RALYL: variants seen among roughly 807,000 people sequenced by gnomAD.
RALYL encodes the protein RNA-binding Raly-like protein.
A neutral mutation model predicts 35.1 loss-of-function variants in RALYL; 29 were observed. That is an observed-to-expected ratio of 0.83 (90% CI 0.61 to 1.13). The LOEUF (loss-of-function observed/expected upper bound fraction) is 1.13, where lower values mean the gene tolerates loss of function less well. Ranked by LOEUF, RALYL falls within the 50% of genes most tolerant of loss-of-function variation. RALYL has a pLI of 0.00. For synonymous variants in RALYL, 120 were observed against 127.6 expected, an observed-to-expected ratio of 0.94 and a Z score of 0.40; for missense variants, 359 against 360.4, an observed-to-expected ratio of 1.00 and a Z score of 0.03.
intron 4 of RALYL, among the ~76,000 whole-genome samples, chr8:84,832,819 T>C (rs1361500907): frequency 1.3e-5 from 2 of 152,228 alleles, no homozygotes; most frequent in African/African-American, 4.8e-5. Flanking sequence ...CTGTGTGTTA[T>C]ATTACAACAT....
At chr8:84,206,836 A>T (rs981778972) in intron 1 of RALYL, among the ~76,000 whole-genome samples, 1 of 152,218 alleles carries the variant, frequency 6.6e-6, no homozygotes, top group Non-Finnish European at 1.5e-5. Flanking sequence ...AAACTGAGGC[A>T]GAGATTATCA....
intron 4 of RALYL, among the ~76,000 whole-genome samples, chr8:84,837,196 C>G (rs1437621104): frequency 1.3e-5 from 2 of 152,128 alleles, no homozygotes; most frequent in Non-Finnish European, 2.9e-5. Context: ...GTGTATTTGT[C>G]TAATCTCTTA....
chr8:84,184,677 C>A (rs1320048079), intron 1 of RALYL, among the ~76,000 whole-genome samples: 2 of 152,016 alleles, frequency 1.3e-5, no homozygotes, highest in African/African-American at 2.4e-5. Context: ...CGGTGAGCTG[C>A]GCCCAGGTCG....
At chr8:84,378,215 T>C (rs2131562803) in intron 1 of RALYL, among the ~76,000 whole-genome samples, 1 of 152,082 alleles carries the variant, frequency 6.6e-6, no homozygotes, top group African/African-American at 2.4e-5. Context: ...TAACACATTT[T>C]AATGTGTGCC....
intron 4 of RALYL, among the ~76,000 whole-genome samples, chr8:84,816,832 G>C (rs1311926362): frequency 6.6e-6 from 1 of 151,948 alleles, no homozygotes. Flanking sequence ...TCCCTGATGT[G>C]ATTATTACAC....
intron 2 of RALYL, among the ~76,000 whole-genome samples, chr8:84,532,492 G>T (rs1260362495): frequency 6.6e-6 from 1 of 151,860 alleles, no homozygotes; most frequent in African/African-American, 2.4e-5. Context: ...ACAAACCCCG[G>T]CCAGTTCTTA....
At chr8:84,435,331 A>G (rs2047585857) in intron 1 of RALYL, among the ~76,000 whole-genome samples, 1 of 152,128 alleles carries the variant, frequency 6.6e-6, no homozygotes, top group Non-Finnish European at 1.5e-5. Flanking sequence ...GACATAACAT[A>G]ACATTATCCC....
At chr8:84,769,163 C>T (rs879940946) in intron 2 of RALYL, among the ~76,000 whole-genome samples, 1 of 152,164 alleles carries the variant, frequency 6.6e-6, no homozygotes, top group Non-Finnish European at 1.5e-5. Flanking sequence ...GCTTAAAAAA[C>T]TTGTAGAAAT....
chr8:84,705,585 C>A (rs182189735), intron 2 of RALYL, among the ~76,000 whole-genome samples: 61 of 152,170 alleles, frequency 4.0e-4, no homozygotes, highest in African/African-American at 1.4e-3. Context: ...AAATAATATA[C>A]AAATTTCAGT....
rs566896918 is a variant in RALYL at position 84,839,747 on chromosome 8, C to A, written c.366-10233C>A. Among the ~76,000 whole-genome samples the A allele has an allele frequency of 2.6e-5, 4 of 152,322 alleles. No individual in the cohort carries two copies. The South Asian group carries it at 8.3e-4, about 32-fold the overall frequency. ...AGGGGCAGACTGACACCTCACACGG[C>A]CAGGTACTCCTCTGAGACAAAACTT... On this transcript the variant is annotated intron_variant, in intron 4 of 8. Coordinates refer to ENST00000521268, the MANE Select transcript of RALYL (RefSeq NM_173848.7).
chr8:84,337,428 G>A (rs1243964357), intron 1 of RALYL, among the ~76,000 whole-genome samples: 1 of 151,730 alleles, frequency 6.6e-6, no homozygotes, highest in Non-Finnish European at 1.5e-5. Flanking sequence ...TCAGAATTGA[G>A]TGCAAAAAAG....
intron 2 of RALYL, among the ~76,000 whole-genome samples, chr8:84,687,301 A>G (rs577580488): frequency 6.6e-6 from 1 of 152,110 alleles, no homozygotes; most frequent in African/African-American, 2.4e-5. Context: ...AGTCTATTTC[A>G]TTTCATTTCA....
At chr8:84,292,211 T>A (rs774701961) in intron 1 of RALYL, among the ~76,000 whole-genome samples, 4 of 152,130 alleles carry the variant, frequency 2.6e-5, no homozygotes, top group African/African-American at 7.2e-5. Context: ...TCATAAAAGG[T>A]GAGGAGGTAG....
At chr8:84,744,682 C>T (rs1454845099) in intron 2 of RALYL, among the ~76,000 whole-genome samples, 2 of 151,966 alleles carry the variant, frequency 1.3e-5, no homozygotes, top group African/African-American at 2.4e-5. Flanking sequence ...CAGAGCTTTT[C>T]AAAGGAAGGT....
intron 2 of RALYL, among the ~76,000 whole-genome samples, chr8:84,702,539 T>TCACACACACACA (rs10678224): frequency 4.4e-5 from 6 of 136,462 alleles, no homozygotes; most frequent in African/African-American, 1.8e-4. Flanking sequence ...TCTCTCTCTC[T>TCACACACACACA]CACACACACA....
intron 2 of RALYL, among the ~76,000 whole-genome samples, chr8:84,651,094 A>T (rs1828707139): frequency 6.6e-6 from 1 of 151,990 alleles, no homozygotes; most frequent in African/African-American, 2.4e-5. Flanking sequence ...GCGGGGAAGG[A>T]TAGCTTTAGG....
At chr8:84,295,506 C>T (rs1385815541) in intron 1 of RALYL, among the ~76,000 whole-genome samples, 2 of 151,936 alleles carry the variant, frequency 1.3e-5, no homozygotes, top group East Asian at 1.9e-4. Flanking sequence ...TGCTATGTTG[C>T]CCAGGCTCTT....
At chr8:84,547,075 T>C (rs2135367371) in intron 2 of RALYL, among the ~76,000 whole-genome samples, 1 of 152,244 alleles carries the variant, frequency 6.6e-6, no homozygotes, top group Non-Finnish European at 1.5e-5. Flanking sequence ...ATCTAGGTTT[T>C]AAGCCCTGCA....
intron 4 of RALYL, among the ~76,000 whole-genome samples, chr8:84,826,209 G>T (rs566452969): frequency 3.0e-4 from 45 of 150,104 alleles, no homozygotes; most frequent in African/African-American, 1.0e-3. Context: ...ATGCTCACTA[G>T]GTGATGGGAT....
Sources: allele counts gnomAD v4.1 joint callset (sites outside exome capture counted in the v4.1 genomes callset), GRCh38; gene constraint gnomAD v4.1.1; transcripts MANE v1.5; gene names NCBI Gene and HGNC (gene_info 2026-07-23, HGNC 2026-07-21).